The following SEMA3A variants were observed in gnomAD, a reference collection of about 807,000 sequenced individuals.
The protein encoded by SEMA3A is semaphorin 3A.
A neutral mutation model predicts 97.9 loss-of-function variants in SEMA3A; 29 were observed. That is an observed-to-expected ratio of 0.30 (90% confidence interval 0.22 to 0.40). The LOEUF (loss-of-function observed/expected upper bound fraction) is 0.40, where lower values mean the gene tolerates loss of function less well. Among genes scored for constraint, SEMA3A ranks in the 10% least tolerant of loss-of-function variants. The pLI is 1.00. For synonymous variants in SEMA3A, 321 were observed against 323.7 expected, an observed-to-expected ratio of 0.99 and a Z score of 0.09; for missense variants, 763 against 951.3, an observed-to-expected ratio of 0.80 and a Z score of 2.60.
chr7:84,397,652 G>A (rs904454807), intron 1 of SEMA3A, among the ~76,000 whole-genome samples: 2 of 151,756 alleles, frequency 1.3e-5, no homozygotes, highest in Non-Finnish European at 2.9e-5. Context: ...GCATTTCTGT[G>A]AAAATACGTT....
intron 2 of SEMA3A, among the ~76,000 whole-genome samples, chr7:84,358,579 C>T (rs1161025022): frequency 6.6e-6 from 1 of 152,056 alleles, no homozygotes; most frequent in East Asian, 1.9e-4. Flanking sequence ...ATGATGCCTC[C>T]AGCTTTGTTC....
intron 2 of SEMA3A, among the ~76,000 whole-genome samples, chr7:84,361,212 C>T (rs1448244415): frequency 6.6e-6 from 1 of 151,958 alleles, no homozygotes; most frequent in African/African-American, 2.4e-5. Flanking sequence ...GATTCTGATC[C>T]AAAGACGAGA....
intron 1 of SEMA3A, among the ~76,000 whole-genome samples, chr7:84,433,736 T>A (rs1467826166): frequency 6.6e-6 from 1 of 152,100 alleles, no homozygotes; most frequent in African/African-American, 2.4e-5. Context: ...CTCTACAGCA[T>A]CTGTTGTTTT....
At chr7:84,334,594 C>T (rs772021490) in intron 2 of SEMA3A, among the ~76,000 whole-genome samples, 1 of 151,932 alleles carries the variant, frequency 6.6e-6, no homozygotes, top group Non-Finnish European at 1.5e-5. Context: ...TTGGTCCTGG[C>T]CCTCGCTTCT....
intron 3 of SEMA3A, among the ~76,000 whole-genome samples, chr7:84,272,605 T>C (rs1002805383): frequency 2.0e-5 from 3 of 152,064 alleles, no homozygotes; most frequent in African/African-American, 7.2e-5. Flanking sequence ...ATTCCACCAA[T>C]TCTATTGGCT....
intron 2 of SEMA3A, among the ~76,000 whole-genome samples, chr7:84,352,224 G>T (rs1201348113): frequency 2.0e-5 from 3 of 151,926 alleles, no homozygotes; most frequent in African/African-American, 7.2e-5. Flanking sequence ...AGTTACCAGA[G>T]GCTGGAAAGG....
At chr7:84,277,859 A>C (rs1340804470) in intron 3 of SEMA3A, among the ~76,000 whole-genome samples, 4 of 151,880 alleles carry the variant, frequency 2.6e-5, no homozygotes, top group Non-Finnish European at 4.4e-5. Flanking sequence ...ATTGTCTTGG[A>C]TGTTAGTATT....
intron 1 of SEMA3A, among the ~76,000 whole-genome samples, chr7:84,408,594 A>G (rs926445736): frequency 3.9e-5 from 6 of 152,142 alleles, no homozygotes; most frequent in South Asian, 2.1e-4. Flanking sequence ...ACATGCACAC[A>G]TATGTTTATT....
intron 3 of SEMA3A, among the ~76,000 whole-genome samples, chr7:84,304,191 A>T (rs1054091704): frequency 2.0e-5 from 3 of 152,292 alleles, no homozygotes; most frequent in African/African-American, 7.2e-5. Flanking sequence ...ACATGGGCAG[A>T]AATGCTTTAA....
At chr7:84,385,400 A>G (rs184204267) in intron 1 of SEMA3A, among the ~76,000 whole-genome samples, 12 of 152,272 alleles carry the variant, frequency 7.9e-5, no homozygotes, top group African/African-American at 2.9e-4. Context: ...TTGGAGTCCA[A>G]GGAGTTTTCC....
At chr7:84,098,958 T>C (rs1034037677) in intron 4 of SEMA3A, among the ~76,000 whole-genome samples, 2 of 151,774 alleles carry the variant, frequency 1.3e-5, no homozygotes, top group Admixed American at 6.6e-5. Context: ...ATGCCAACAA[T>C]AATAGCCTCT....
At chr7:84,197,775 C>G (rs988503361), upstream of SEMA3A, among the ~76,000 whole-genome samples, 1 of 137,090 alleles carries the variant, frequency 7.3e-6, no homozygotes. Context: ...AGTCTCGCTC[C>G]GTCCCCCAGG....
intron 1 of SEMA3A, among the ~76,000 whole-genome samples, chr7:84,158,329 ATTG>A (rs900682147): frequency 1.3e-5 from 2 of 151,216 alleles, no homozygotes; most frequent in African/African-American, 2.4e-5. Flanking sequence ...TAATTTTTGT[ATTG>A]TTAATAGTGA....
intron 2 of SEMA3A, among the ~76,000 whole-genome samples, chr7:84,363,262 T>C (rs1162324584): frequency 6.6e-6 from 1 of 151,910 alleles, no homozygotes; most frequent in African/African-American, 2.4e-5. Flanking sequence ...AAGAACTGAT[T>C]CATTAAGTGA....
chr7:84,333,083 G>A (rs1416726034), intron 2 of SEMA3A, among the ~76,000 whole-genome samples: 2 of 151,966 alleles, frequency 1.3e-5, no homozygotes, highest in Non-Finnish European at 2.9e-5. Context: ...TGTAATTGCT[G>A]GTCATGATGG....
chr7:84,252,509 A>T (rs1345838149), intron 3 of SEMA3A, among the ~76,000 whole-genome samples: 1 of 152,224 alleles, frequency 6.6e-6, no homozygotes, highest in African/African-American at 2.4e-5. Context: ...AGTCTCCTTC[A>T]TCAGTTATGA....
chr7:84,153,512 A>G (rs1372170818), intron 1 of SEMA3A, among the ~76,000 whole-genome samples: 1 of 152,074 alleles, frequency 6.6e-6, no homozygotes, highest in East Asian at 1.9e-4. Flanking sequence ...TTTTCCCCCA[A>G]AGGAAACAGC....
chr7:84,032,722 A>G (rs1263034549), intron 6 of SEMA3A, among the ~76,000 whole-genome samples: 2 of 151,864 alleles, frequency 1.3e-5, no homozygotes, highest in Non-Finnish European at 2.9e-5. Context: ...TGTTTTTTGA[A>G]CTTTTCTAAT....
chr7:84,049,848 A>G (rs1417774793), intron 5 of SEMA3A, among the ~76,000 whole-genome samples: 5 of 140,090 alleles, frequency 3.6e-5, no homozygotes, highest in African/African-American at 5.3e-5. Flanking sequence ...ATATCTCCCA[A>G]TGCTATCCCT....
Sources: gnomAD v4.1 joint callset for allele counts (sites outside exome capture counted in the v4.1 genomes callset) on GRCh38, gnomAD v4.1.1 for gene constraint, MANE v1.5 for transcripts, NCBI Gene and HGNC (gene_info 2026-07-23, HGNC 2026-07-21) for gene names.